SPATA9: variants seen among roughly 807,000 people sequenced by gnomAD.
SPATA9 encodes the protein spermatogenesis associated 9.
In SPATA9, 27 loss-of-function variants were observed where a neutral mutation model predicts 25.5. The observed-to-expected ratio is 1.06, with a 90% CI of 0.78 to 1.46. The LOEUF (loss-of-function observed/expected upper bound fraction) is 1.46. SPATA9 is among the 40% of genes most tolerant of loss of function. SPATA9 has a pLI of 0.00. For synonymous variants in SPATA9, 102 were observed against 105.7 expected (o/e 0.97, Z 0.21); for missense variants, 282 against 297.5 (o/e 0.95, Z 0.38).
chr5:95,672,884 T>C (rs1174612162), intron 3 of SPATA9, among the ~76,000 whole-genome samples: 1 of 152,198 alleles, frequency 6.6e-6, no homozygotes, highest in Non-Finnish European at 1.5e-5. Flanking sequence ...GAGATAAGTC[T>C]CCATGGATTT....
intron 2 of SPATA9, 68 bp downstream of exon 2, chr5:95,682,460 A>G: frequency 9.0e-7 from 1 of 1,105,784 alleles, no homozygotes; most frequent in Non-Finnish European, 1.3e-6. Context: ...AGCATTAAAT[A>G]ATGGGTATGA....
chr5:95,722,203 G>GA, the SPATA9 span, among the ~76,000 whole-genome samples: 7 of 152,130 alleles, frequency 4.6e-5, no homozygotes, highest in African/African-American at 1.7e-4. Flanking sequence ...AACACAGCAA[G>GA]CAAAGGGAGT....
At chr5:95,675,776 T>C in intron 2 of SPATA9, 137 bp from the exon 3 acceptor site, 1 of 574,880 alleles carries the variant, frequency 1.7e-6, no homozygotes, top group Non-Finnish European at 2.9e-6. Context: ...AATATTTCTG[T>C]CCCCCCATGA....
Position 95,660,579 on chromosome 5 carries a change from C to A in SPATA9, c.475-1666G>T, listed in dbSNP as rs73149619. On this transcript the variant is annotated intron_variant, in intron 4 of 4. Coordinates refer to ENST00000274432, the MANE Select transcript of SPATA9 (RefSeq NM_031952.4). ...CACTAGAAACCTTTAAAGTCATGAC[C>A]TTTAGCTGTAAACAGCCTCATCCAT... Among the ~76,000 whole-genome samples, 1,453 of 152,252 alleles carry A rather than the reference C, an allele frequency of 9.5e-3. 18 individuals are homozygous for A. Among genetic ancestry groups the A allele is most frequent in the African/African-American group, 0.033 (1,372 of 41,540 alleles).
the SPATA9 span, among the ~76,000 whole-genome samples, chr5:95,720,907 T>C: frequency 6.6e-6 from 1 of 152,356 alleles, no homozygotes; most frequent in East Asian, 1.9e-4. Context: ...TTTGTTGCCA[T>C]ATTTTACCGA....
upstream of SPATA9, among the ~76,000 whole-genome samples, chr5:95,699,742 A>C (rs903455991): frequency 1.3e-5 from 2 of 152,210 alleles, no homozygotes; most frequent in Non-Finnish European, 2.9e-5. Flanking sequence ...TGCCAGAGTG[A>C]GCAAGTTTGG....
chr5:95,731,142 G>T, the SPATA9 span: 7 of 1,015,324 alleles, frequency 6.9e-6, no homozygotes, highest in Non-Finnish European at 8.3e-6. Flanking sequence ...ATTCCGCGGC[G>T]CCCCGCGCGG....
chr5:95,667,553 C>A (rs1751943504), intron 3 of SPATA9, among the ~76,000 whole-genome samples: 1 of 152,102 alleles, frequency 6.6e-6, no homozygotes, highest in African/African-American at 2.4e-5. Context: ...GCCTTTGAAT[C>A]CCACTTTTAG....
chr5:95,716,692 T>C, the SPATA9 span, among the ~76,000 whole-genome samples: 1 of 152,072 alleles, frequency 6.6e-6, no homozygotes, highest in African/African-American at 2.4e-5. Context: ...GGACATGAGA[T>C]TTGGGAGGTG....
At chr5:95,706,593 AAC>A in the SPATA9 span, among the ~76,000 whole-genome samples, 14 of 152,116 alleles carry the variant, frequency 9.2e-5, no homozygotes, top group African/African-American at 3.4e-4. Context: ...AGAAGAGACT[AAC>A]ACACCAGTAG....
At chr5:95,729,288 T>G in the SPATA9 span, among the ~76,000 whole-genome samples, 7 of 152,178 alleles carry the variant, frequency 4.6e-5, no homozygotes, top group Non-Finnish European at 8.8e-5. Context: ...ACAAATTGCT[T>G]TAGCTTCTTA....
chr5:95,656,220 AT>A (rs1417801571), downstream of SPATA9: 3 of 1,613,932 alleles, frequency 1.9e-6, no homozygotes, highest in Non-Finnish European at 2.5e-6. Flanking sequence ...CAACGGAAAT[AT>A]TTATGTGACT....
chr5:95,732,056 A>G, the SPATA9 span: 1 of 1,614,202 alleles, frequency 6.2e-7, no homozygotes, highest in Non-Finnish European at 8.5e-7. Context: ...GGGAATGTCA[A>G]GCTGGTGGTC....
chr5:95,731,829 CT>C, the SPATA9 span: 6 of 1,604,616 alleles, frequency 3.7e-6, no homozygotes, highest in Non-Finnish European at 4.3e-6. Flanking sequence ...CCGTGCTTCC[CT>C]TCTCCCCTCG....
At chr5:95,706,831 C>T in the SPATA9 span, among the ~76,000 whole-genome samples, 3 of 122,028 alleles carry the variant, frequency 2.5e-5, 1 homozygote, top group South Asian at 7.6e-4. Context: ...ACAAATGCCA[C>T]ATTTGCATAT....
chr5:95,690,388 A>T (rs1753852174), intron 1 of SPATA9, among the ~76,000 whole-genome samples: 2 of 152,232 alleles, frequency 1.3e-5, no homozygotes, highest in African/African-American at 2.4e-5. Context: ...ACAATGAACC[A>T]GGACTCCTAA....
At chr5:95,705,417 A>G in the SPATA9 span, among the ~76,000 whole-genome samples, 2 of 152,246 alleles carry the variant, frequency 1.3e-5, no homozygotes, top group Admixed American at 6.5e-5. Context: ...ATGAAATTCA[A>G]TAATTCCATG....
the SPATA9 span, chr5:95,708,576 G>T: frequency 1.4e-6 from 1 of 696,202 alleles, no homozygotes; most frequent in Non-Finnish European, 2.6e-6. Flanking sequence ...GACAGCTAGC[G>T]TCAGGGTGAT....
At chr5:95,691,898 GGATT>G (rs1313096341) in intron 1 of SPATA9, among the ~76,000 whole-genome samples, 6 of 151,840 alleles carry the variant, frequency 4.0e-5, no homozygotes, top group African/African-American at 7.3e-5. Flanking sequence ...GTTTCTGCTG[GGATT>G]GATTATCGAA....
Sources: gnomAD v4.1 joint callset for allele counts (sites outside exome capture counted in the v4.1 genomes callset) on GRCh38, gnomAD v4.1.1 for gene constraint, MANE v1.5 for transcripts, NCBI Gene and HGNC (gene_info 2026-07-23, HGNC 2026-07-21) for gene names.